ILDR2: variants seen among roughly 807,000 people sequenced by gnomAD.
The protein encoded by ILDR2 is immunoglobulin-like domain-containing receptor 2.
Under a neutral mutation model 66.8 loss-of-function variants are expected in ILDR2, and 25 were observed. The observed-to-expected ratio is 0.37, with a 90% CI of 0.27 to 0.52. The LOEUF (loss-of-function observed/expected upper bound fraction) is 0.52. ILDR2 is among the 20% of genes least tolerant of loss of function. The pLI is 0.88. For missense variants in ILDR2, 827 were observed against 876.8 expected, an observed-to-expected ratio of 0.94 and a Z score of 0.72; for synonymous variants, 367 against 357.2, an observed-to-expected ratio of 1.03 and a Z score of -0.31.
Position 166,958,170 on chromosome 1 carries a change from C to T in ILDR2, c.47-69G>A. The T allele has an allele frequency of 3.1e-6, 4 of 1,308,032 alleles. No individual in the cohort carries two copies. The South Asian group carries it at 5.4e-5, about 18-fold the overall frequency. The allele number at this position is 1,308,032 out of a possible 1,614,324, so 81.0% of individuals were successfully genotyped here. ...GACCTCACCTTCCATCACATGATCACACCTTTCCATTTCACTTCCCTAACT... is the reference window on the plus strand; with the variant it reads ...GACCTCACCTTCCATCACATGATCATACCTTTCCATTTCACTTCCCTAACT... On this transcript the variant is annotated intron_variant, in intron 1 of 9. Transcript: ENST00000271417.
At chr1:166,971,854 A>G (rs1663315634) in intron 1 of ILDR2, among the ~76,000 whole-genome samples, 1 of 152,194 alleles carries the variant, frequency 6.6e-6, no homozygotes, top group Non-Finnish European at 1.5e-5. Flanking sequence ...TTAGTATAAT[A>G]CTTAGAAATC....
Position 166,920,771 on chromosome 1 carries a change from C to A in ILDR2, c.1820G>T (p.Gly607Val). 6.7e-7 allele frequency: 1 copy of A among 1,495,484 alleles called. No individual in the cohort carries two copies. Among genetic ancestry groups the A allele is most frequent in the South Asian group, 1.3e-5 (1 of 77,368 alleles). The allele number at this position is 1,495,484 out of a possible 1,614,324, so 92.6% of individuals were successfully genotyped here. A position where few individuals can be genotyped will look rare whatever the true frequency, so the allele number is the denominator to read the frequency against. ...GTTGCTGTGGTAGGGCAGGTCGCGG[C>A]CGCGGTAGGACGGGCCGCGGGTCAG... ...LELTRGPSYRGRDLPYHSNSE... is the reference protein window; with the variant it reads ...LELTRGPSYRVRDLPYHSNSE... The change falls in exon 9 of 10, where the codon GGC (glycine) becomes GTC (valine). Residue 607 changes from glycine to valine, a missense_variant. By Grantham distance (109) the Gly-to-Val change is moderately radical (BLOSUM62 -3). Transcript: ENST00000271417.
downstream of ILDR2, among the ~76,000 whole-genome samples, chr1:166,903,590 A>G (rs2101813763): frequency 6.6e-6 from 1 of 152,322 alleles, no homozygotes; most frequent in Non-Finnish European, 1.5e-5. Flanking sequence ...ACCTTTTTCT[A>G]AGGACAAAAA....
intron 1 of ILDR2, among the ~76,000 whole-genome samples, chr1:166,967,230 T>C (rs1663006763): frequency 6.6e-6 from 1 of 152,188 alleles, no homozygotes; most frequent in Non-Finnish European, 1.5e-5. Context: ...CCCTTCCTGC[T>C]GAGAAATGGC....
At chr1:166,904,376 G>A (rs1029740300), downstream of ILDR2, among the ~76,000 whole-genome samples, 2 of 152,206 alleles carry the variant, frequency 1.3e-5, no homozygotes, top group African/African-American at 2.4e-5. Context: ...CTGCATGTTA[G>A]TAGGCAGGCA....
chr1:166,922,527 C>T (rs572248454), intron 8 of ILDR2, 66 bp downstream of exon 8: 9 of 1,329,614 alleles, frequency 6.8e-6, no homozygotes, highest in East Asian at 4.6e-5. Flanking sequence ...TCCTTGCCTC[C>T]GATCTACCCT....
At chr1:166,944,865 C>G (rs1011506045) in intron 3 of ILDR2, among the ~76,000 whole-genome samples, 2 of 152,114 alleles carry the variant, frequency 1.3e-5, no homozygotes, top group South Asian at 4.1e-4. Context: ...TGCAATGTGC[C>G]TTTACTTTTA....
intron 3 of ILDR2, 152 bp downstream of exon 3, chr1:166,956,581 T>C (rs1010266399): frequency 1.3e-6 from 1 of 752,226 alleles, no homozygotes. Flanking sequence ...CTACTGCTCA[T>C]AAAGAGCATA....
chr1:166,948,066 C>T (rs143186326), intron 3 of ILDR2, among the ~76,000 whole-genome samples: 1 of 152,208 alleles, frequency 6.6e-6, no homozygotes, highest in African/African-American at 2.4e-5. Flanking sequence ...CCCCTCTGCT[C>T]GATTCAGGTA....
chr1:166,901,019 C>T (rs953247083), intron 2 of ILDR2, among the ~76,000 whole-genome samples: 5 of 152,198 alleles, frequency 3.3e-5, no homozygotes, highest in African/African-American at 7.2e-5. Flanking sequence ...AGGTGGAGCA[C>T]ACCAAAAGCA....
In ILDR2 at chr1:166,917,620, T is replaced by C. The variant is rs1483736441; in HGVS notation, c.*1735A>G. On this transcript the variant is annotated 3_prime_UTR_variant, in exon 10 of 10. Coordinates refer to ENST00000271417, the MANE Select transcript of ILDR2 (RefSeq NM_199351.3). ...AGTGGAGGCTATGAGAAACACAAGT[T>C]TGGATGGATTAAGAGGTTCAGGGAT... The C allele has an allele frequency of 1.3e-5, 2 of 152,120 alleles. No homozygotes were observed. The highest frequency in any genetic ancestry group is 4.8e-5 in the African/African-American group (2 of 41,418). 9.4% of individuals were successfully genotyped at this position (152,120 alleles called of 1,614,324 possible). A position where few individuals can be genotyped will look rare whatever the true frequency, so the allele number is the denominator to read the frequency against.
intron 6 of ILDR2, chr1:166,933,519 A>G (rs1285929692): frequency 4.1e-6 from 4 of 978,006 alleles, no homozygotes; most frequent in Non-Finnish European, 4.9e-6. Flanking sequence ...TTTTAATGCC[A>G]CTTCTAGTTA....
intron 9 of ILDR2, among the ~76,000 whole-genome samples, chr1:166,919,641 T>G (rs886909145): frequency 1.2e-4 from 18 of 152,336 alleles, no homozygotes; most frequent in African/African-American, 4.1e-4. Context: ...ACTACTATGT[T>G]TAGAGCTCCA....
intron 2 of ILDR2, among the ~76,000 whole-genome samples, chr1:166,899,987 G>C (rs1454733019): frequency 6.6e-6 from 1 of 152,194 alleles, no homozygotes; most frequent in Non-Finnish European, 1.5e-5. Context: ...TGCTAGAAAT[G>C]CAGAATCTCA....
chr1:166,935,452 C>A lies in ILDR2; in HGVS notation c.729G>T (p.Lys243Asn). 1 of 1,603,930 alleles carries A rather than the reference C, an allele frequency of 6.2e-7. No homozygotes were observed. The highest frequency in any genetic ancestry group is 1.1e-5 in the South Asian group (1 of 89,340). The change falls in exon 6 of 10, where the codon AAG becomes AAT. Residue 243 changes from lysine (K) to asparagine (N), a missense_variant. Around this residue, in one of 2 missense-constraint regions of ILDR2, gnomAD observed 437 missense variants for 523.2 expected, o/e 0.84. Transcript: ENST00000271417. ...CGGAGACAGAGGGAGGGTACCCGGC[C>A]TTTGCTGCTTTCCCTGCTTCATACA... Reference protein sequence around the residue: ...QALYEAGKAAKAGYPPSVSGV... With the variant: ...QALYEAGKAANAGYPPSVSGV...
chr1:166,949,636 C>G (rs912275026), intron 3 of ILDR2, among the ~76,000 whole-genome samples: 3 of 152,266 alleles, frequency 2.0e-5, no homozygotes, highest in African/African-American at 7.2e-5. Flanking sequence ...AGGCATGATC[C>G]CACATCTTTG....
rs373884744 is a variant in ILDR2, at chr1:166,922,825, C to A, written c.995-16G>T. On this transcript the variant is annotated splice_polypyrimidine_tract_variant and intron_variant, in intron 7 of 9. Coordinates refer to ENST00000271417, the MANE Select transcript of ILDR2 (RefSeq NM_199351.3). The stretch of plus-strand genomic sequence containing the variant: ...GTGTTGTTATCTGCAGGGACAAAAT[C>A]AGGCATGATAGAGCTTTTTGTGTTA... 53 of 1,605,764 alleles carry A rather than the reference C, an allele frequency of 3.3e-5. No individual in the cohort carries two copies. Among genetic ancestry groups the A allele is most frequent in the Non-Finnish European group, 4.5e-5 (53 of 1,172,444 alleles).
In ILDR2 at chr1:166,916,264, G is replaced by A. The variant is rs574985552; in HGVS notation, c.*3091C>T. ...GAGTATTGGCTTTTCAGATCACCAA[G>A]TCTATGTTTAAATAAGATGATGGAC... On this transcript the variant is annotated 3_prime_UTR_variant, in exon 10 of 10. Transcript: ENST00000271417. 1 of 152,236 alleles carries A rather than the reference G, an allele frequency of 6.6e-6. No homozygotes were observed. Among genetic ancestry groups the A allele is most frequent in the East Asian group, 1.9e-4 (1 of 5,182 alleles). 9.4% of individuals were successfully genotyped at this position (152,236 alleles called of 1,614,324 possible). A position where few individuals can be genotyped will look rare whatever the true frequency, so the allele number is the denominator to read the frequency against.
intron 3 of ILDR2, among the ~76,000 whole-genome samples, chr1:166,946,067 G>A (rs1172801787): frequency 1.3e-5 from 2 of 152,094 alleles, no homozygotes; most frequent in Non-Finnish European, 2.9e-5. Context: ...CTATGTCTTT[G>A]AGGAGAACAG....
Sources: gnomAD v4.1 joint callset for allele counts (sites outside exome capture counted in the v4.1 genomes callset) on GRCh38, gnomAD v4.1.1 for gene constraint, gnomAD v4.1.1 regional missense constraint, MANE v1.5 for transcripts, NCBI Gene and HGNC (gene_info 2026-07-23, HGNC 2026-07-21) for gene names.